The following AGBL4 variants were observed in gnomAD, a reference collection of about 807,000 sequenced individuals.
The protein encoded by AGBL4 is AGBL carboxypeptidase 4, also known as cytosolic carboxypeptidase 6.
AGBL4 carries 58 observed loss-of-function variants against 66.4 expected under a neutral mutation model. The ratio of observed to expected loss-of-function variants is 0.87; its 90% CI spans 0.71 to 1.09. The LOEUF is 1.09. AGBL4 is among the 50% of genes least tolerant of loss of function. The pLI, the probability that AGBL4 is intolerant of heterozygous loss-of-function variation, is 0.00. For synonymous variants in AGBL4, 234 were observed against 222.9 expected, an observed-to-expected ratio of 1.05 and a Z score of -0.44; for missense variants, 579 against 631.0, an observed-to-expected ratio of 0.92 and a Z score of 0.88.
chr1:49,801,179 G>C (rs1006683633), intron 2 of AGBL4, among the ~76,000 whole-genome samples: 1 of 152,230 alleles, frequency 6.6e-6, no homozygotes, highest in African/African-American at 2.4e-5. Context: ...GTTAGAATGG[G>C]GAACTCCATT....
chr1:48,876,220 T>C (rs1331238900), intron 5 of AGBL4, among the ~76,000 whole-genome samples: 1 of 152,200 alleles, frequency 6.6e-6, no homozygotes, highest in Non-Finnish European at 1.5e-5. Context: ...GGGCTCTGTC[T>C]AGATATGTGT....
intron 5 of AGBL4, among the ~76,000 whole-genome samples, chr1:48,874,347 T>C (rs1649013472): frequency 6.6e-6 from 1 of 152,118 alleles, no homozygotes; most frequent in South Asian, 2.1e-4. Flanking sequence ...GCCTGCTTCC[T>C]GGATATATTT....
intron 4 of AGBL4, among the ~76,000 whole-genome samples, chr1:49,092,059 T>C (rs1487439303): frequency 4.6e-5 from 7 of 151,946 alleles, no homozygotes; most frequent in African/African-American, 1.7e-4. Context: ...AGGGAGAGGA[T>C]AGAGAAACTA....
chr1:49,544,800 G>A (rs75214312), intron 3 of AGBL4, among the ~76,000 whole-genome samples: 1 of 152,276 alleles, frequency 6.6e-6, no homozygotes, highest in African/African-American at 2.4e-5. Context: ...TTCTATAACT[G>A]CCTTGAACAT....
chr1:48,709,584 C>CATCATTATTATTATTATT (rs1553211513), intron 6 of AGBL4, among the ~76,000 whole-genome samples: 3 of 141,898 alleles, frequency 2.1e-5, no homozygotes, highest in Non-Finnish European at 3.0e-5. Context: ...ATTTGCCAGG[C>CATCATTATTATTATTATT]ATTATTATTA....
At chr1:49,578,988 C>T (rs555318646) in intron 3 of AGBL4, among the ~76,000 whole-genome samples, 27 of 152,270 alleles carry the variant, frequency 1.8e-4, no homozygotes, top group Admixed American at 1.6e-3. Context: ...GCCATCTAAT[C>T]AGCTGCCAGC....
intron 2 of AGBL4, among the ~76,000 whole-genome samples, chr1:49,715,626 T>C (rs1220772857): frequency 6.6e-6 from 1 of 152,112 alleles, no homozygotes; most frequent in Non-Finnish European, 1.5e-5. Context: ...CCAGCGTCTG[T>C]TGTTTCCTTT....
At chr1:49,806,384 A>G (rs1373564335) in intron 2 of AGBL4, among the ~76,000 whole-genome samples, 1 of 152,198 alleles carries the variant, frequency 6.6e-6, no homozygotes, top group East Asian at 1.9e-4. Context: ...GTGTCCTAGT[A>G]TTTTGTTGAA....
rs75265732 is a variant in AGBL4, at chr1:49,987,620, T to C, written c.34+36143A>G. On this transcript the variant is annotated intron_variant, in intron 1 of 13. Transcript: ENST00000371839. The stretch of plus-strand genomic sequence containing the variant: ...TAAAACTTGCCAAGCACATATTATA[T>C]TTAAGACAACTCCAAATCTAAGACT... Among the ~76,000 whole-genome samples, 207 of 152,170 alleles carry C rather than the reference T, an allele frequency of 1.4e-3. 1 individual carries two copies. Among genetic ancestry groups the C allele is most frequent in the African/African-American group, 4.8e-3 (201 of 41,562 alleles).
intron 6 of AGBL4, among the ~76,000 whole-genome samples, chr1:48,705,960 G>C (rs1205328478): frequency 6.6e-6 from 1 of 152,156 alleles, no homozygotes; most frequent in African/African-American, 2.4e-5. Context: ...GAGGTTACAT[G>C]GCATACATAG....
chr1:48,557,114 T>G (rs1283109784), intron 11 of AGBL4, among the ~76,000 whole-genome samples: 4 of 152,184 alleles, frequency 2.6e-5, no homozygotes, highest in African/African-American at 9.7e-5. Flanking sequence ...TTCACCAGGT[T>G]ACCAAGTTCT....
intron 2 of AGBL4, among the ~76,000 whole-genome samples, chr1:49,792,082 C>T (rs1644615447): frequency 6.6e-6 from 1 of 152,158 alleles, no homozygotes; most frequent in South Asian, 2.1e-4. Context: ...TGCCCAGCAG[C>T]ATCACGGACA....
chr1:48,692,278 C>G (rs556521210), intron 6 of AGBL4, among the ~76,000 whole-genome samples: 1 of 152,234 alleles, frequency 6.6e-6, no homozygotes, highest in Non-Finnish European at 1.5e-5. Context: ...CAAAATCTAG[C>G]CAGGAGTCCA....
intron 3 of AGBL4, among the ~76,000 whole-genome samples, chr1:49,566,626 C>T (rs958093945): frequency 6.6e-5 from 10 of 152,126 alleles, no homozygotes; most frequent in Non-Finnish European, 1.0e-4. Flanking sequence ...ATTGGTGAAC[C>T]GCAAATGCTG....
chr1:49,550,892 T>C (rs186946554), intron 3 of AGBL4, among the ~76,000 whole-genome samples: 1 of 152,260 alleles, frequency 6.6e-6, no homozygotes, highest in African/African-American at 2.4e-5. Flanking sequence ...CCCAAATATG[T>C]TTTCCAAGCT....
chr1:48,846,799 T>C (rs1454937289), intron 6 of AGBL4, among the ~76,000 whole-genome samples: 1 of 152,134 alleles, frequency 6.6e-6, no homozygotes, highest in Non-Finnish European at 1.5e-5. Context: ...AGATAAGTGA[T>C]TGGCAGTCCA....
At chr1:49,917,244 T>A (rs1431670462) in intron 1 of AGBL4, among the ~76,000 whole-genome samples, 1 of 151,802 alleles carries the variant, frequency 6.6e-6, no homozygotes, top group Non-Finnish European at 1.5e-5. Context: ...AATATTAACC[T>A]TAAATGTAAA....
At chr1:48,627,066 A>C (rs11205518) in intron 9 of AGBL4, among the ~76,000 whole-genome samples, 5,062 of 151,644 alleles carry the variant, frequency 0.033, 229 homozygotes, top group African/African-American at 0.097. Context: ...AAGTGGGTTT[A>C]CTCCTTCCAC....
intron 9 of AGBL4, among the ~76,000 whole-genome samples, chr1:48,623,992 T>C (rs1275355410): frequency 6.6e-6 from 1 of 152,100 alleles, no homozygotes; most frequent in Admixed American, 6.6e-5. Flanking sequence ...CCATGGGACA[T>C]AGAAAATGGA....
Sources: allele counts gnomAD v4.1 joint callset (sites outside exome capture counted in the v4.1 genomes callset), GRCh38; gene constraint gnomAD v4.1.1; transcripts MANE v1.5; gene names NCBI Gene and HGNC (gene_info 2026-07-23, HGNC 2026-07-21).